MEGF6: variants seen among roughly 807,000 people sequenced by gnomAD.
MEGF6 encodes multiple epidermal growth factor-like domains protein 6.
A neutral mutation model predicts 207.1 loss-of-function variants in MEGF6; 184 were observed. The ratio of observed to expected loss-of-function variants is 0.89; its 90% CI spans 0.79 to 1.00. The LOEUF is 1.00. MEGF6 is among the 50% of genes least tolerant of loss of function. The pLI, the probability that MEGF6 is intolerant of heterozygous loss-of-function variation, is 0.00. For missense variants in MEGF6, 2,282 were observed against 2,202.9 expected (o/e 1.04, Z -0.72); for synonymous variants, 1,038 against 910.0 (o/e 1.14, Z -2.53).
At chr1:3,512,360 A>T (rs1641384125) in intron 7 of MEGF6, among the ~76,000 whole-genome samples, 1 of 152,258 alleles carries the variant, frequency 6.6e-6, no homozygotes, top group Non-Finnish European at 1.5e-5. Flanking sequence ...TTGCATGACC[A>T]GGTGCCAGTG....
intron 1 of MEGF6, among the ~76,000 whole-genome samples, chr1:3,607,824 C>T (rs1028879894): frequency 2.0e-5 from 3 of 152,242 alleles, no homozygotes; most frequent in Non-Finnish European, 2.9e-5. Flanking sequence ...GCCATCTGCT[C>T]CCGAGCAGAG....
In MEGF6 at chr1:3,559,158, T is replaced by G. The variant is rs148210704; in HGVS notation, c.481+20667A>C. On this transcript the variant is annotated intron_variant, in intron 4 of 36. Coordinates refer to ENST00000356575, the MANE Select transcript of MEGF6 (RefSeq NM_001409.4). The stretch of plus-strand genomic sequence containing the variant: ...GGAGGCAGCTCACTCTGCAAGGTGG[T>G]TGGAGGAGGAACCCTGGGGGCCTCT... Among the ~76,000 whole-genome samples the G allele has an allele frequency of 7.4e-3, 1,132 of 152,268 alleles. 9 individuals carry two copies. The highest frequency in any genetic ancestry group is 0.022 in the African/African-American group (922 of 41,554).
chr1:3,606,922 G>C (rs1469703500), intron 1 of MEGF6, among the ~76,000 whole-genome samples: 1 of 152,138 alleles, frequency 6.6e-6, no homozygotes, highest in Non-Finnish European at 1.5e-5. Flanking sequence ...ATGACACAGA[G>C]AGGGCAGAGC....
chr1:3,515,992 G>C (rs1641528441), intron 5 of MEGF6, among the ~76,000 whole-genome samples: 1 of 152,266 alleles, frequency 6.6e-6, no homozygotes, highest in South Asian at 2.1e-4. Flanking sequence ...CCTTAGGCCA[G>C]GGTGGGGGCA....
intron 26 of MEGF6, among the ~76,000 whole-genome samples, chr1:3,498,071 T>G (rs371485077): frequency 1.3e-5 from 2 of 152,074 alleles, no homozygotes; most frequent in East Asian, 3.9e-4. Flanking sequence ...CCTCTCTGCA[T>G]GCAGGAAACA....
intron 4 of MEGF6, among the ~76,000 whole-genome samples, chr1:3,531,827 G>A (rs1200674987): frequency 6.6e-6 from 1 of 152,182 alleles, no homozygotes; most frequent in Non-Finnish European, 1.5e-5. Context: ...GGGGGAGGGG[G>A]GCCGCGGGGC....
chr1:3,585,342 ATGTGTGTGAGTGAGGACACACGTCC>A (rs1173642831), intron 3 of MEGF6, among the ~76,000 whole-genome samples: 1 of 96,664 alleles, frequency 1.0e-5, no homozygotes, highest in Admixed American at 1.3e-4. Flanking sequence ...CACATGTCCT[ATGTGTGTGAGTGAGGACACACGTCC>A]TGTGTGTGGG....
the MEGF6 span, among the ~76,000 whole-genome samples, chr1:3,620,653 G>A: frequency 6.6e-6 from 1 of 152,254 alleles, no homozygotes; most frequent in African/African-American, 2.4e-5. Context: ...GCACTTGTAG[G>A]GACCAGCCCT....
chr1:3,606,675 G>A (rs1644253272), intron 1 of MEGF6, among the ~76,000 whole-genome samples: 1 of 152,208 alleles, frequency 6.6e-6, no homozygotes, highest in Non-Finnish European at 1.5e-5. Context: ...TGGGCCATAG[G>A]AACTGCTACA....
At chr1:3,515,812 G>A (rs1641523519) in intron 5 of MEGF6, among the ~76,000 whole-genome samples, 2 of 152,202 alleles carry the variant, frequency 1.3e-5, no homozygotes, top group Non-Finnish European at 2.9e-5. Flanking sequence ...GACACAGAAG[G>A]GGACCCCACC....
chr1:3,490,844 C>T, intron 36 of MEGF6, 68 bp downstream of exon 36: 2 of 1,525,486 alleles, frequency 1.3e-6, no homozygotes, highest in South Asian at 1.2e-5. Context: ...TATACTTAAG[C>T]ACTCTTCGTT....
At position 3,507,873 on chromosome 1, in the gene MEGF6, G is replaced by GACAC; in HGVS notation, c.1710_1711insGTGT (p.Gln571ValfsTer24). 1 of 1,612,832 alleles carries GACAC rather than the reference G, an allele frequency of 6.2e-7. No homozygotes were observed. The highest frequency in any genetic ancestry group is 1.7e-5 in the Admixed American group (1 of 60,016). Reference sequence around the variant, plus strand: ...ACAGAGTCGCAGGTCCCACCATTCTGACAGCTGCAGGAGAAGCTGCAGTTC... The same window carrying GACAC: ...ACAGAGTCGCAGGTCCCACCATTCTGACACACAGCTGCAGGAGAAGCTGCAGTTC... On this transcript the variant is annotated frameshift_variant, in exon 14 of 37. Transcript: ENST00000356575. LOFTEE classifies it high-confidence loss of function.
At chr1:3,545,945 G>GC (rs1220846374) in intron 4 of MEGF6, among the ~76,000 whole-genome samples, 1 of 152,102 alleles carries the variant, frequency 6.6e-6, no homozygotes, top group African/African-American at 2.4e-5. Flanking sequence ...GCTGGCCCCT[G>GC]CCCCCCTCCA....
intron 4 of MEGF6, among the ~76,000 whole-genome samples, chr1:3,552,427 C>T (rs1332448486): frequency 1.3e-5 from 2 of 152,246 alleles, no homozygotes; most frequent in South Asian, 2.1e-4. Context: ...CCACGCGTGG[C>T]GGCTCACGCC....
intron 18 of MEGF6, 132 bp downstream of exon 18, chr1:3,501,664 C>T: frequency 1.6e-6 from 2 of 1,288,136 alleles, no homozygotes; most frequent in African/African-American, 1.5e-5. Context: ...CAGGGGAGTG[C>T]ACTGTGAGCT....
chr1:3,623,643 A>G, the MEGF6 span: 8 of 152,270 alleles, frequency 5.3e-5, no homozygotes, highest in African/African-American at 1.9e-4. Context: ...GTCTGGGCAC[A>G]CCAGCGTCGC....
chr1:3,509,392 GTCCCAGGGGTCA>G, intron 11 of MEGF6, 147 bp from the exon 12 acceptor site: 1 of 628,080 alleles, frequency 1.6e-6, no homozygotes, highest in Non-Finnish European at 2.5e-6. Flanking sequence ...CCTCAGCCTG[GTCCCAGGGGTCA>G]TCCCAGCTGC....
intron 5 of MEGF6, among the ~76,000 whole-genome samples, chr1:3,516,796 C>G (rs1381928071): frequency 1.3e-5 from 2 of 152,216 alleles, no homozygotes; most frequent in Non-Finnish European, 2.9e-5. Flanking sequence ...CACAGGGGAG[C>G]AGGCGCTGAG....
At chr1:3,619,421 G>A in the MEGF6 span, among the ~76,000 whole-genome samples, 6 of 152,304 alleles carry the variant, frequency 3.9e-5, no homozygotes, top group East Asian at 5.8e-4. Context: ...ACCCCAGTGC[G>A]TGTGATATGA....
Sources: gnomAD v4.1 joint callset for allele counts (sites outside exome capture counted in the v4.1 genomes callset) on GRCh38, gnomAD v4.1.1 for gene constraint, MANE v1.5 for transcripts, NCBI Gene and HGNC (gene_info 2026-07-23, HGNC 2026-07-21) for gene names.